The following RUNX1T1 variants were observed in gnomAD, a reference collection of about 807,000 sequenced individuals.
The protein encoded by RUNX1T1 is RUNX1 partner transcriptional co-repressor 1, also known as protein CBFA2T1.
In RUNX1T1, 4 loss-of-function variants were observed where a neutral mutation model predicts 62.8. The observed-to-expected ratio is 0.06, with a 90% confidence interval of 0.03 to 0.15. The LOEUF is 0.15. Ranked by LOEUF, RUNX1T1 falls within the 10% of genes least tolerant of loss-of-function variation. RUNX1T1 has a pLI of 1.00. For missense variants in RUNX1T1, 508 were observed against 754.3 expected, an observed-to-expected ratio of 0.67 and a Z score of 3.82; for synonymous variants, 291 against 286.0, an observed-to-expected ratio of 1.02 and a Z score of -0.18.
At chr8:91,961,125 C>T (rs1810357167) in intron 10 of RUNX1T1, among the ~76,000 whole-genome samples, 1 of 152,218 alleles carries the variant, frequency 6.6e-6, no homozygotes. Flanking sequence ...AATGCTAGGA[C>T]TGTGTTAAAA....
At chr8:92,063,822 T>C (rs1207559477), upstream of RUNX1T1, among the ~76,000 whole-genome samples, 1 of 152,174 alleles carries the variant, frequency 6.6e-6, no homozygotes, top group Admixed American at 6.5e-5. Context: ...GGGCACATGA[T>C]GAGGTAGCTG....
At chr8:92,067,976 T>C (rs1833120130) in intron 2 of RUNX1T1, among the ~76,000 whole-genome samples, 1 of 152,198 alleles carries the variant, frequency 6.6e-6, no homozygotes, top group African/African-American at 2.4e-5. Flanking sequence ...ATTTTAAACA[T>C]ACTATAATAA....
chr8:92,000,687 A>G (rs1819590326), intron 5 of RUNX1T1, among the ~76,000 whole-genome samples: 1 of 152,210 alleles, frequency 6.6e-6, no homozygotes, highest in Admixed American at 6.5e-5. Context: ...ATGATTTTAA[A>G]ATGATTGCCT....
At chr8:91,968,789 T>C (rs887142751) in intron 10 of RUNX1T1, among the ~76,000 whole-genome samples, 1 of 152,204 alleles carries the variant, frequency 6.6e-6, no homozygotes, top group African/African-American at 2.4e-5. Flanking sequence ...TTCCTAGCTG[T>C]GTAACTTTAG....
At chr8:92,057,133 T>C (rs1831168736) in intron 1 of RUNX1T1, among the ~76,000 whole-genome samples, 1 of 152,226 alleles carries the variant, frequency 6.6e-6, no homozygotes, top group African/African-American at 2.4e-5. Context: ...ACCTGTTTTA[T>C]CCAAGATCAT....
At chr8:92,014,967 G>A in intron 2 of RUNX1T1, 147 bp from the exon 4 acceptor site, 1 of 755,626 alleles carries the variant, frequency 1.3e-6, no homozygotes, top group East Asian at 2.8e-5. Context: ...GGACTTCACA[G>A]GGTTACTACA....
At chr8:92,062,112 A>G (rs981861719) in intron 1 of RUNX1T1, among the ~76,000 whole-genome samples, 4 of 152,318 alleles carry the variant, frequency 2.6e-5, no homozygotes, top group African/African-American at 9.6e-5. Context: ...TCTCTGACAT[A>G]AACAGCTTTT....
intron 10 of RUNX1T1, among the ~76,000 whole-genome samples, chr8:91,966,625 T>TA (rs1811690418): frequency 6.6e-6 from 1 of 152,100 alleles, no homozygotes; most frequent in Admixed American, 6.5e-5. Context: ...TGTACACAGA[T>TA]AGGAAATGAA....
At chr8:91,960,440 G>A in exon 11 of RUNX1T1, 1 of 1,614,186 alleles carries the variant, frequency 6.2e-7, no homozygotes, top group Non-Finnish European at 8.5e-7. Context: ...CTTTGTGCTG[G>A]CAAAATGAGC....
chr8:92,062,542 T>A (rs753993652), intron 1 of RUNX1T1: 12 of 1,613,956 alleles, frequency 7.4e-6, no homozygotes, highest in Admixed American at 3.3e-5. Flanking sequence ...CAGGGCTAAC[T>A]CACCAGGCAT....
At chr8:92,062,536 G>A in intron 1 of RUNX1T1, 1 of 1,613,580 alleles carries the variant, frequency 6.2e-7, no homozygotes, top group Non-Finnish European at 8.5e-7. Flanking sequence ...ACAGAACAGG[G>A]CTAACTCACC....
intron 2 of RUNX1T1, among the ~76,000 whole-genome samples, chr8:92,068,826 C>A (rs1192635367): frequency 6.6e-6 from 1 of 152,132 alleles, no homozygotes; most frequent in Non-Finnish European, 1.5e-5. Context: ...CCGCTATGAA[C>A]AACCCTATGA....
intron 8 of RUNX1T1, among the ~76,000 whole-genome samples, chr8:91,977,782 C>T (rs1814303088): frequency 1.3e-5 from 2 of 151,404 alleles, no homozygotes; most frequent in Non-Finnish European, 2.9e-5. Context: ...TTAATAAAAA[C>T]TTATTTTTTT....
chr8:92,060,547 ATATATATGTGTGTGTGTGTGTG>A (rs1258956089), intron 1 of RUNX1T1, among the ~76,000 whole-genome samples: 2 of 102,792 alleles, frequency 1.9e-5, no homozygotes, highest in East Asian at 4.1e-4. Context: ...ATATATATAT[ATATATATGTGTGTGTGTGTGTG>A]TGTGTGTGTG....
downstream of RUNX1T1, chr8:91,956,689 C>G (rs1161855434): frequency 1.8e-5 from 4 of 225,662 alleles, no homozygotes; most frequent in Non-Finnish European, 2.6e-5. Flanking sequence ...ATGCCTAGAC[C>G]CCACCCCCCA....
chr8:92,103,223 T>C (rs1340386756), upstream of RUNX1T1: 3 of 288,408 alleles, frequency 1.0e-5, no homozygotes, highest in African/African-American at 2.2e-5. Context: ...CAGACAAATG[T>C]GATGTGGGGC....
upstream of RUNX1T1, chr8:92,102,940 G>C (rs1018107838): frequency 5.3e-6 from 8 of 1,500,184 alleles, no homozygotes; most frequent in Admixed American, 1.1e-4. The surrounding 1 kb of genome is among the most constrained non-coding windows in gnomAD (Gnocchi z 4.5). Flanking sequence ...CCGGCCCGCG[G>C]GGCGACGGGG....
chr8:92,094,711 C>T (rs1281533357), intron 1 of RUNX1T1, among the ~76,000 whole-genome samples: 1 of 152,164 alleles, frequency 6.6e-6, no homozygotes, highest in East Asian at 1.9e-4. Context: ...GTAAACGAAA[C>T]TCCTGTTAAA....
chr8:92,021,134 G>A (rs1824004936), intron 1 of RUNX1T1, among the ~76,000 whole-genome samples: 1 of 152,162 alleles, frequency 6.6e-6, no homozygotes, highest in African/African-American at 2.4e-5. Context: ...TAGTTAGTCT[G>A]AGTTAGTCAT....
Sources: allele counts gnomAD v4.1 joint callset (sites outside exome capture counted in the v4.1 genomes callset), GRCh38; gene constraint gnomAD v4.1.1; non-coding constraint Gnocchi (gnomAD v3.1); transcripts MANE v1.5; gene names NCBI Gene and HGNC (gene_info 2026-07-23, HGNC 2026-07-21).